Variants in C5orf46 observed in about 807,000 individuals in gnomAD.
The protein encoded by C5orf46 is uncharacterized protein C5orf46.
A neutral mutation model predicts 8.9 loss-of-function variants in C5orf46; 9 were observed. The ratio of observed to expected loss-of-function variants is 1.01; its 90% CI spans 0.61 to 1.76. The LOEUF (loss-of-function observed/expected upper bound fraction) is 1.76. Among genes scored for constraint, C5orf46 ranks in the 40% most tolerant of loss-of-function variants. The pLI is 0.00. For synonymous variants in C5orf46, 47 were observed against 41.4 expected (o/e 1.14, Z -0.52); for missense variants, 98 against 107.8 (o/e 0.91, Z 0.40).
chr5:147,901,470 C>T lies in C5orf46; in HGVS notation c.215+159G>A, dbSNP rs1757668274. Reference sequence around the variant, plus strand: ...AAGCTCAGGGCAGTTGATTCAGATGCAAAATATATTTTAAGTAGGGCAACA... The same window carrying T: ...AAGCTCAGGGCAGTTGATTCAGATGTAAAATATATTTTAAGTAGGGCAACA... On this transcript the variant is annotated intron_variant, in intron 2 of 3. Transcript: ENST00000318315. 4.8e-6 allele frequency: 3 copies of T among 619,398 alleles called. No homozygotes were observed. In the South Asian group the frequency reaches 9.4e-5, roughly 19 times the overall value. 38.4% of individuals were successfully genotyped at this position (619,398 alleles called of 1,614,324 possible).
downstream of C5orf46, among the ~76,000 whole-genome samples, chr5:147,889,969 T>G (rs1474940897): frequency 6.6e-6 from 1 of 152,166 alleles, no homozygotes; most frequent in Admixed American, 6.5e-5. Context: ...ATAGTCTGAG[T>G]TTTGGTTTAA....
intron 2 of C5orf46, among the ~76,000 whole-genome samples, chr5:147,900,730 C>A (rs1757654094): frequency 6.6e-6 from 1 of 152,244 alleles, no homozygotes; most frequent in East Asian, 1.9e-4. Context: ...GGTGGGTATA[C>A]CACACCTAGT....
intron 2 of C5orf46, chr5:147,886,200 AGT>A (rs1757414265): frequency 6.6e-6 from 1 of 152,240 alleles, no homozygotes; most frequent in African/African-American, 2.4e-5. Flanking sequence ...GAAGGAAGTG[AGT>A]GTGTTATATA....
At chr5:147,891,614 A>G (rs1404377871), downstream of C5orf46, among the ~76,000 whole-genome samples, 1 of 151,526 alleles carries the variant, frequency 6.6e-6, no homozygotes, top group Admixed American at 6.6e-5. Context: ...TAGTGTATTA[A>G]TTAATATAGT....
At chr5:147,900,115 A>T (rs1476803231) in intron 2 of C5orf46, among the ~76,000 whole-genome samples, 1 of 152,188 alleles carries the variant, frequency 6.6e-6, no homozygotes, top group Admixed American at 6.5e-5. Context: ...AACAATACTA[A>T]TTCAACTGGA....
At chr5:147,888,014 A>C (rs975270097), downstream of C5orf46, among the ~76,000 whole-genome samples, 2 of 152,168 alleles carry the variant, frequency 1.3e-5, no homozygotes, top group Admixed American at 6.5e-5. Context: ...TTATCCTAAG[A>C]GCCCAGAAAA....
chr5:147,905,034 T>C (rs1455152578), intron 1 of C5orf46, among the ~76,000 whole-genome samples: 2 of 151,710 alleles, frequency 1.3e-5, no homozygotes, highest in Non-Finnish European at 2.9e-5. Flanking sequence ...ATTCACTTTC[T>C]CCTCTAGTGC....
rs1757603252 is a variant in C5orf46 at position 147,897,582 on chromosome 5, C to T, written c.216-541G>A. Among the ~76,000 whole-genome samples the T allele has an allele frequency of 2.0e-5, 3 of 152,210 alleles. No individual in the cohort carries two copies. In the South Asian group the frequency reaches 6.2e-4, roughly 32 times the overall value. On this transcript the variant is annotated intron_variant, in intron 2 of 3. Coordinates refer to ENST00000318315, the MANE Select transcript of C5orf46 (RefSeq NM_206966.3). ...TATCTGCTGAGATCGTAAAAGATAA[C>T]TAAAATATGGTTTGTGAATTGCAGT...
At chr5:147,893,723 G>A (rs1757537984) in intron 3 of C5orf46, among the ~76,000 whole-genome samples, 1 of 151,770 alleles carries the variant, frequency 6.6e-6, no homozygotes, top group South Asian at 2.1e-4. Flanking sequence ...TGTATTTTTA[G>A]TAGAGACAGT....
At chr5:147,887,372 A>T (rs1226280607) in intron 2 of C5orf46, 1 of 152,108 alleles carries the variant, frequency 6.6e-6, no homozygotes, top group Non-Finnish European at 1.5e-5. Context: ...CCCCCTTTCT[A>T]GTAACTACCT....
chr5:147,890,856 T>C (rs1256803309), downstream of C5orf46, among the ~76,000 whole-genome samples: 1 of 152,154 alleles, frequency 6.6e-6, no homozygotes, highest in Non-Finnish European at 1.5e-5. Flanking sequence ...TGTAAAGAAA[T>C]TTTTAAATGA....
At chr5:147,895,823 A>T (rs897404691) in intron 3 of C5orf46, among the ~76,000 whole-genome samples, 1 of 152,228 alleles carries the variant, frequency 6.6e-6, no homozygotes. Flanking sequence ...GGTAAGAGTC[A>T]GGAGTGTCGG....
At chr5:147,899,332 TCTC>T (rs568658574) in intron 2 of C5orf46, among the ~76,000 whole-genome samples, 22 of 152,172 alleles carry the variant, frequency 1.4e-4, no homozygotes, top group Non-Finnish European at 2.4e-4. Flanking sequence ...CTTTCTGACG[TCTC>T]CTCCTATCCT....
At position 147,901,671 on chromosome 5, in the gene C5orf46, T is replaced by A. The variant is rs761936144; in HGVS notation, c.173A>T (p.Glu58Val). 1.9e-6 allele frequency: 3 copies of A among 1,614,140 alleles called. No individual in the cohort carries two copies. The South Asian group carries it at 3.3e-5, about 18-fold the overall frequency. ...GCGGAGGATGAACTCGACTGCATTC[T>A]CAATGATCTCTGTGCCCAGGAGGCT... ...FLSLLGTEII[E>V]NAVEFILRSM... The change falls in exon 2 of 4, where the codon GAG becomes GTG. Residue 58 changes from glutamate to valine, a missense_variant. Coordinates refer to ENST00000318315, the MANE Select transcript of C5orf46 (RefSeq NM_206966.3).
At chr5:147,897,520 AC>A (rs1757601262) in intron 2 of C5orf46, among the ~76,000 whole-genome samples, 1 of 152,198 alleles carries the variant, frequency 6.6e-6, no homozygotes, top group Non-Finnish European at 1.5e-5. Flanking sequence ...AATGCTAGAA[AC>A]ATTATGCCCT....
chr5:147,888,738 T>C (rs1304498227), downstream of C5orf46, among the ~76,000 whole-genome samples: 2 of 152,168 alleles, frequency 1.3e-5, no homozygotes, highest in African/African-American at 4.8e-5. Flanking sequence ...TAATTATAGG[T>C]TTATGTAGGA....
At chr5:147,906,063 G>A (rs1044797231) in intron 1 of C5orf46, among the ~76,000 whole-genome samples, 4 of 152,124 alleles carry the variant, frequency 2.6e-5, no homozygotes, top group African/African-American at 7.2e-5. Context: ...CTGGTTAGTG[G>A]TAGAGCCAGG....
intron 2 of C5orf46, chr5:147,886,021 C>A (rs1169771680): frequency 1.3e-5 from 2 of 152,110 alleles, no homozygotes; most frequent in Admixed American, 6.6e-5. Flanking sequence ...TATTTATATA[C>A]ACAGTAACCT....
intron 3 of C5orf46, among the ~76,000 whole-genome samples, chr5:147,896,386 C>A (rs929976848): frequency 6.6e-6 from 1 of 152,126 alleles, no homozygotes; most frequent in South Asian, 2.1e-4. Context: ...AATCACTTAG[C>A]TTAATGCCTA....
Sources: gnomAD v4.1 joint callset for allele counts (sites outside exome capture counted in the v4.1 genomes callset) on GRCh38, gnomAD v4.1.1 for gene constraint, MANE v1.5 for transcripts, NCBI Gene and HGNC (gene_info 2026-07-23, HGNC 2026-07-21) for gene names.